KHDC1: variants seen among roughly 807,000 people sequenced by gnomAD.
KHDC1 encodes the protein KH homology domain-containing protein 1.
KHDC1 carries 21 observed loss-of-function variants against 24.7 expected under a neutral mutation model. That is an observed-to-expected ratio of 0.85 (90% CI 0.60 to 1.23). KHDC1 has a LOEUF of 1.23. Ranked by LOEUF, KHDC1 falls within the 50% of genes most tolerant of loss-of-function variation. The probability of loss-of-function intolerance (pLI) is 0.00; values close to 1 mark genes in which losing one functional copy is unlikely to be tolerated. For synonymous variants in KHDC1, 98 were observed against 111.7 expected, an observed-to-expected ratio of 0.88 and a Z score of 0.77; for missense variants, 274 against 298.5, an observed-to-expected ratio of 0.92 and a Z score of 0.61.
intron 2 of KHDC1, among the ~76,000 whole-genome samples, chr6:73,283,327 GTTT>G (rs71540382): frequency 0.079 from 11,555 of 147,014 alleles, 492 homozygotes; most frequent in Non-Finnish European, 0.093. Flanking sequence ...AGTGTTACTA[GTTT>G]TTTTTTTTTA....
chr6:73,302,132 T>A (rs1767888151), intron 1 of KHDC1, among the ~76,000 whole-genome samples: 6 of 151,620 alleles, frequency 4.0e-5, no homozygotes, highest in Admixed American at 3.9e-4. Flanking sequence ...ACTAAAAAAA[T>A]ACAAAAATTA....
At chr6:73,242,594 G>A in intron 2 of KHDC1, 64 bp from the exon 2 acceptor site, 1 of 1,607,162 alleles carries the variant, frequency 6.2e-7, no homozygotes, top group Non-Finnish European at 8.5e-7. Flanking sequence ...AGTGAGGGAG[G>A]GCCTAGGCTC....
intron 1 of KHDC1, among the ~76,000 whole-genome samples, chr6:73,307,635 G>A (rs1166663701): frequency 6.6e-6 from 1 of 152,060 alleles, no homozygotes; most frequent in African/African-American, 2.4e-5. Flanking sequence ...AAGCAACGCC[G>A]TCCCTGCCTG....
intron 1 of KHDC1, among the ~76,000 whole-genome samples, chr6:73,298,151 A>T (rs958339958): frequency 3.3e-5 from 5 of 151,676 alleles, no homozygotes; most frequent in African/African-American, 1.2e-4. Flanking sequence ...ACAAAACGAG[A>T]CTCTGTCTAA....
Position 73,303,121 on chromosome 6 carries a change from A to G in KHDC1, c.163+6431T>C, listed in dbSNP as rs144428678. Among the ~76,000 whole-genome samples, 6 of 152,356 alleles carry G rather than the reference A, an allele frequency of 3.9e-5. No homozygotes were observed. In the East Asian group the frequency reaches 9.6e-4, roughly 24 times the overall value. ...TGGAAATCCTGTCATTTTCGGTGAC[A>G]TGGATAAACTTGGAGGATATTATGT... On this transcript the variant is annotated intron_variant, in intron 1 of 4. Coordinates refer to ENST00000370384, the Ensembl canonical transcript of KHDC1.
chr6:73,307,025 C>T (rs939093894), intron 1 of KHDC1, among the ~76,000 whole-genome samples: 2 of 151,610 alleles, frequency 1.3e-5, no homozygotes, highest in African/African-American at 2.4e-5. Context: ...AAAACTTTCA[C>T]TTAAACCCCC....
chr6:73,251,223 A>T (rs1766772701), intron 2 of KHDC1, among the ~76,000 whole-genome samples: 4 of 152,222 alleles, frequency 2.6e-5, no homozygotes, highest in African/African-American at 9.6e-5. Flanking sequence ...GCGAAAAATA[A>T]ATAAATAATG....
chr6:73,242,437 G>A (rs762874540), exon 3 of KHDC1: 1 of 1,614,202 alleles, frequency 6.2e-7, no homozygotes, highest in South Asian at 1.1e-5. Flanking sequence ...CCTCTTCCAT[G>A]TGAAACACCA....
chr6:73,269,941 A>G (rs1767150852), intron 2 of KHDC1: 1 of 151,794 alleles, frequency 6.6e-6, no homozygotes, highest in African/African-American at 2.4e-5. Flanking sequence ...CCAATTTTTT[A>G]ATTGTTTTTA....
At chr6:73,282,255 T>C (rs1320389057) in intron 2 of KHDC1, among the ~76,000 whole-genome samples, 1 of 151,246 alleles carries the variant, frequency 6.6e-6, no homozygotes, top group East Asian at 1.9e-4. Context: ...TAGTGGAGTT[T>C]GTCTGAAGTC....
intron 2 of KHDC1, among the ~76,000 whole-genome samples, chr6:73,285,858 A>G (rs1582578649): frequency 6.6e-6 from 1 of 152,264 alleles, no homozygotes; most frequent in East Asian, 1.9e-4. Flanking sequence ...TCCTAGTTCC[A>G]AGAACTGATC....
intron 1 of KHDC1, among the ~76,000 whole-genome samples, chr6:73,301,812 T>G (rs1023106596): frequency 6.6e-6 from 1 of 151,820 alleles, no homozygotes; most frequent in African/African-American, 2.4e-5. Context: ...TTTTTTTATA[T>G]AAGAGAGAGG....
rs555132160 is a variant in KHDC1 at position 73,255,445 on chromosome 6, C to T, written c.207-12915G>A. 8.1e-5 allele frequency among the ~76,000 whole-genome samples: 12 copies of T among 149,004 alleles called. 1 individual carries two copies. The South Asian group carries it at 2.6e-3, about 32-fold the overall frequency. ...CGTTGGCCAGGCTGGTCTTGAACTC[C>T]TGACCTCAGGTGATCCACCCGCCTT... On this transcript the variant is annotated intron_variant, in intron 2 of 4. Transcript: ENST00000370384.
intron 2 of KHDC1, among the ~76,000 whole-genome samples, chr6:73,285,812 T>C (rs1223314574): frequency 6.6e-6 from 1 of 152,166 alleles, no homozygotes; most frequent in Non-Finnish European, 1.5e-5. Context: ...CATTTTCTAT[T>C]TTTAGAAGAA....
chr6:73,291,843 A>G, intron 2 of KHDC1: 1 of 746,876 alleles, frequency 1.3e-6, no homozygotes, highest in Non-Finnish European at 2.2e-6. Flanking sequence ...TGATGGGCAC[A>G]CTGGAAGCCC....
intron 2 of KHDC1, among the ~76,000 whole-genome samples, chr6:73,248,315 CCT>C (rs1338085972): frequency 2.0e-5 from 3 of 151,966 alleles, no homozygotes; most frequent in Non-Finnish European, 4.4e-5. Context: ...CTTCCCTTCC[CCT>C]CTCTCCTCTG....
chr6:73,302,141 T>C (rs1033031509), intron 1 of KHDC1, among the ~76,000 whole-genome samples: 2 of 151,662 alleles, frequency 1.3e-5, no homozygotes, highest in African/African-American at 4.8e-5. Flanking sequence ...ATACAAAAAT[T>C]AACTGGACAT....
chr6:73,287,667 A>G (rs1767549215), intron 2 of KHDC1, among the ~76,000 whole-genome samples: 1 of 152,204 alleles, frequency 6.6e-6, no homozygotes, highest in African/African-American at 2.4e-5. Context: ...TTCAAGTAAT[A>G]TACACTGGGA....
intron 2 of KHDC1, chr6:73,268,919 AG>A: frequency 6.5e-6 from 1 of 154,980 alleles, no homozygotes; most frequent in Non-Finnish European, 1.4e-5. Flanking sequence ...GCCATGGAGC[AG>A]GGGGTGGTGC....
Sources: gnomAD v4.1 joint callset for allele counts (sites outside exome capture counted in the v4.1 genomes callset) on GRCh38, gnomAD v4.1.1 for gene constraint, MANE v1.5 for transcripts, NCBI Gene and HGNC (gene_info 2026-07-23, HGNC 2026-07-21) for gene names.